The following DISC1 variants were observed in gnomAD, a reference collection of about 807,000 sequenced individuals.
DISC1 encodes the protein disrupted in schizophrenia 1 protein.
A neutral mutation model predicts 84.5 loss-of-function variants in DISC1; 57 were observed. The ratio of observed to expected loss-of-function variants is 0.67; its 90% CI spans 0.55 to 0.84. The LOEUF is 0.84. Ranked by LOEUF, DISC1 falls within the 40% of genes least tolerant of loss-of-function variation. DISC1 has a pLI of 0.00. For missense variants in DISC1, 1,000 were observed against 1,057.8 expected (o/e 0.95, Z 0.76); for synonymous variants, 411 against 415.2 (o/e 0.99, Z 0.12).
At chr1:231,971,229 C>T (rs551076374) in intron 10 of DISC1, among the ~76,000 whole-genome samples, 1 of 152,108 alleles carries the variant, frequency 6.6e-6, no homozygotes, top group African/African-American at 2.4e-5. Context: ...CAATGGAAAC[C>T]CCAGTAGGTA....
At chr1:231,909,511 G>A (rs1411046977) in intron 9 of DISC1, among the ~76,000 whole-genome samples, 3 of 152,178 alleles carry the variant, frequency 2.0e-5, no homozygotes, top group Non-Finnish European at 4.4e-5. Flanking sequence ...TTGCATCCCA[G>A]GGATGAAGCC....
chr1:231,794,231 T>G (rs903065287), intron 6 of DISC1, among the ~76,000 whole-genome samples: 3 of 139,932 alleles, frequency 2.1e-5, no homozygotes, highest in Non-Finnish European at 4.6e-5. Context: ...ATTTATCTTC[T>G]TGCTAGAATT....
chr1:231,642,031 C>T (rs1206839977), intron 1 of DISC1, among the ~76,000 whole-genome samples: 1 of 152,184 alleles, frequency 6.6e-6, no homozygotes, highest in Non-Finnish European at 1.5e-5. Context: ...TCGGGCTGCA[C>T]AGGAGCCCAC....
intron 9 of DISC1, among the ~76,000 whole-genome samples, chr1:231,844,742 C>T (rs957466953): frequency 6.6e-6 from 1 of 151,496 alleles, no homozygotes; most frequent in Admixed American, 6.6e-5. Context: ...CTGGCTAACA[C>T]GTGAAACCCC....
At chr1:231,665,541 A>G (rs1320424744) in intron 1 of DISC1, among the ~76,000 whole-genome samples, 2 of 152,256 alleles carry the variant, frequency 1.3e-5, no homozygotes, top group African/African-American at 4.8e-5. Context: ...TACAATATCA[A>G]TAAGTAAAGT....
At position 232,009,559 on chromosome 1, in the gene DISC1, A is replaced by G. The variant is rs1667847862; in HGVS notation, c.2307+510A>G. 1 of 918,150 alleles carries G rather than the reference A, an allele frequency of 1.1e-6. No homozygotes were observed. Among genetic ancestry groups the G allele is most frequent in the Admixed American group, 6.2e-5 (1 of 16,152 alleles). 56.9% of individuals were successfully genotyped at this position (918,150 alleles called of 1,614,324 possible). A position where few individuals can be genotyped will look rare whatever the true frequency, so the allele number is the denominator to read the frequency against. The stretch of plus-strand genomic sequence containing the variant: ...CATTAATTGTTTTTACCAAAACCAG[A>G]TCATAATGAATGTTTATAATGTTCT... On this transcript the variant is annotated intron_variant, in intron 11 of 12. Transcript: ENST00000439617. This position sits in a 1 kb window ranked among gnomAD's most constrained non-coding sequence, Gnocchi z 4.6.
intron 9 of DISC1, among the ~76,000 whole-genome samples, chr1:231,879,696 G>A (rs1029875731): frequency 6.6e-6 from 1 of 152,004 alleles, no homozygotes; most frequent in Admixed American, 6.6e-5. Flanking sequence ...GGGCAGGAGA[G>A]GGGAGAGGTG....
intron 10 of DISC1, among the ~76,000 whole-genome samples, 180 bp from the exon 11 acceptor site, chr1:232,008,605 A>G (rs1257584991): frequency 1.3e-5 from 2 of 152,362 alleles, no homozygotes; most frequent in East Asian, 1.9e-4. Context: ...TGGTGACTTG[A>G]TGGTGTGCAA....
chr1:231,710,496 C>T (rs1468161444), intron 3 of DISC1, among the ~76,000 whole-genome samples: 1 of 152,204 alleles, frequency 6.6e-6, no homozygotes, highest in Non-Finnish European at 1.5e-5. Flanking sequence ...GTTGATTTAT[C>T]CTTAACAGGA....
intron 9 of DISC1, chr1:231,855,187 C>G: frequency 9.9e-7 from 1 of 1,011,538 alleles, no homozygotes; most frequent in East Asian, 9.8e-5. Flanking sequence ...GTGAATGACA[C>G]TTTTGAAAAC....
chr1:231,757,666 A>G (rs536037701), intron 4 of DISC1, among the ~76,000 whole-genome samples: 1 of 152,198 alleles, frequency 6.6e-6, no homozygotes, highest in South Asian at 2.1e-4. Context: ...TGGAGGAATA[A>G]CTTTTGTGAT....
chr1:231,738,719 A>C lies in DISC1; in HGVS notation c.1118-11207A>C, dbSNP rs938561104. ...ATAGTCTATGATTATTCTGATGCCT[A>C]CTCCCCATCAAACCTCCATTTCATC... is the stretch of plus-strand genomic sequence containing the variant. On this transcript the variant is annotated intron_variant, in intron 3 of 12. Transcript: ENST00000439617. Among the ~76,000 whole-genome samples, 5 of 151,820 alleles carry C rather than the reference A, an allele frequency of 3.3e-5. No homozygotes were observed. The East Asian group carries it at 9.7e-4, about 29-fold the overall frequency.
chr1:231,782,931 G>A (rs1186414407), intron 6 of DISC1, among the ~76,000 whole-genome samples: 1 of 152,108 alleles, frequency 6.6e-6, no homozygotes, highest in Non-Finnish European at 1.5e-5. Flanking sequence ...GACAGAGCAA[G>A]ACTGTCTCAA....
At chr1:231,838,490 C>T (rs888138368) in intron 9 of DISC1, among the ~76,000 whole-genome samples, 1 of 152,166 alleles carries the variant, frequency 6.6e-6, no homozygotes, top group African/African-American at 2.4e-5. Flanking sequence ...AAAAAAACCC[C>T]CTCCATGCTT....
chr1:231,986,279 T>A (rs527484748), intron 10 of DISC1, among the ~76,000 whole-genome samples: 4 of 152,248 alleles, frequency 2.6e-5, no homozygotes, highest in South Asian at 4.2e-4. Context: ...GAAGCTGCCA[T>A]GTTTATGTGG....
chr1:231,744,914 G>A (rs913566250), intron 3 of DISC1, among the ~76,000 whole-genome samples: 1 of 152,104 alleles, frequency 6.6e-6, no homozygotes, highest in Admixed American at 6.5e-5. Flanking sequence ...ATGTTTCCAT[G>A]TAAAAGAAAT....
intron 3 of DISC1, chr1:231,723,079 A>C (rs770452079): frequency 2.0e-6 from 2 of 1,009,202 alleles, no homozygotes; most frequent in Non-Finnish European, 2.4e-6. Context: ...TGGGGGATTA[A>C]TTCCAGGACG....
At chr1:231,935,668 C>T (rs1244685517) in intron 9 of DISC1, among the ~76,000 whole-genome samples, 3 of 152,146 alleles carry the variant, frequency 2.0e-5, no homozygotes. Flanking sequence ...AAAGCTAACA[C>T]CTAAGGCATA....
At chr1:231,717,158 C>G (rs1356944815) in intron 3 of DISC1, among the ~76,000 whole-genome samples, 1 of 152,042 alleles carries the variant, frequency 6.6e-6, no homozygotes, top group African/African-American at 2.4e-5. Context: ...TCTAGAGGTC[C>G]TGTCTTTGGG....
Sources: gnomAD v4.1 joint callset for allele counts (sites outside exome capture counted in the v4.1 genomes callset) on GRCh38, gnomAD v4.1.1 for gene constraint, Gnocchi (gnomAD v3.1) non-coding constraint, MANE v1.5 for transcripts, NCBI Gene and HGNC (gene_info 2026-07-23, HGNC 2026-07-21) for gene names.